Variants in PTPRN2 observed in about 807,000 individuals in gnomAD.
PTPRN2 encodes the protein receptor-type tyrosine-protein phosphatase N2.
PTPRN2 carries 74 observed loss-of-function variants against 118.8 expected under a neutral mutation model. The ratio of observed to expected loss-of-function variants is 0.62; its 90% confidence interval spans 0.52 to 0.76. The LOEUF (loss-of-function observed/expected upper bound fraction) is 0.76. PTPRN2 is among the 30% of genes least tolerant of loss of function. The probability of loss-of-function intolerance (pLI) is 0.00; values close to 1 mark genes in which losing one functional copy is unlikely to be tolerated. For missense variants in PTPRN2, 1,481 were observed against 1,394.4 expected, an observed-to-expected ratio of 1.06 and a Z score of -0.99; for synonymous variants, 641 against 608.0, an observed-to-expected ratio of 1.05 and a Z score of -0.80.
At chr7:157,701,369 A>G (rs1384009829) in intron 12 of PTPRN2, among the ~76,000 whole-genome samples, 1 of 152,204 alleles carries the variant, frequency 6.6e-6, no homozygotes, top group Non-Finnish European at 1.5e-5. Context: ...TCCCCCCAGT[A>G]ATAATATTAA....
intron 3 of PTPRN2, among the ~76,000 whole-genome samples, chr7:158,302,139 AATG>A (rs1800938764): frequency 6.6e-6 from 1 of 152,200 alleles, no homozygotes; most frequent in Admixed American, 6.5e-5. Context: ...ACACCTGAGA[AATG>A]ATGACATTCA....
chr7:158,423,139 T>C (rs887942826), intron 2 of PTPRN2, among the ~76,000 whole-genome samples: 4 of 152,214 alleles, frequency 2.6e-5, no homozygotes, highest in East Asian at 1.9e-4. Flanking sequence ...CTTGTTAAGA[T>C]AGCAAAGAAA....
At chr7:158,330,035 C>A (rs1804054090) in intron 2 of PTPRN2, among the ~76,000 whole-genome samples, 3 of 149,750 alleles carry the variant, frequency 2.0e-5, no homozygotes, top group African/African-American at 4.9e-5. Context: ...TAAGAGGTGA[C>A]ATCTGCAGAC....
intron 12 of PTPRN2, among the ~76,000 whole-genome samples, chr7:157,841,835 C>A (rs1050992406): frequency 1.3e-5 from 2 of 152,314 alleles, no homozygotes; most frequent in Admixed American, 1.3e-4. Context: ...CAGGAGAACA[C>A]CCTGGATTCT....
chr7:158,467,858 C>T (rs1733145), intron 2 of PTPRN2, among the ~76,000 whole-genome samples: 104,856 of 151,982 alleles, frequency 0.69, 36,429 homozygotes, highest in Admixed American at 0.78. Flanking sequence ...TGGGAGCCCC[C>T]GGGGAAGGCC....
At chr7:157,982,439 T>G (rs34226802) in intron 11 of PTPRN2, among the ~76,000 whole-genome samples, 43,927 of 110,992 alleles carry the variant, frequency 0.4, 9,590 homozygotes, top group Non-Finnish European at 0.47. Context: ...AGGAGGGGAA[T>G]GCAGAGTGCA....
rs906976987 is a variant in PTPRN2, at chr7:157,560,359, C to T, written c.2902+8543G>A. ...TGGGCAGTGCTGCCCACACGGATGC[C>T]CAGAGCGTGTTCCCCAAGACCAGCG... On this transcript the variant is annotated intron_variant, in intron 21 of 22. Transcript: ENST00000389418. The surrounding 1 kb of genome is among the most constrained non-coding windows in gnomAD (Gnocchi z 6.7). Among the ~76,000 whole-genome samples the T allele has an allele frequency of 6.6e-6, 1 of 152,148 alleles. No homozygotes were observed. Among genetic ancestry groups the T allele is most frequent in the African/African-American group, 2.4e-5 (1 of 41,416 alleles).
intron 6 of PTPRN2, among the ~76,000 whole-genome samples, chr7:158,161,643 G>C (rs1436553527): frequency 6.6e-6 from 1 of 152,178 alleles, no homozygotes; most frequent in Admixed American, 6.5e-5. Context: ...AGGTAAGAGA[G>C]GAGAAACTCT....
At chr7:157,567,883 C>T (rs1284557226) in intron 21 of PTPRN2, among the ~76,000 whole-genome samples, 1 of 152,180 alleles carries the variant, frequency 6.6e-6, no homozygotes, top group African/African-American at 2.4e-5. Flanking sequence ...GGAAGCTGGA[C>T]ACATCTCTCT....
chr7:158,413,428 A>G (rs1364330616), intron 2 of PTPRN2, among the ~76,000 whole-genome samples: 2 of 152,256 alleles, frequency 1.3e-5, no homozygotes, highest in Non-Finnish European at 2.9e-5. Context: ...AGGAAATAAA[A>G]TGCAGTGGGC....
At chr7:158,581,271 C>T (rs1440149526) in intron 1 of PTPRN2, among the ~76,000 whole-genome samples, 2 of 152,174 alleles carry the variant, frequency 1.3e-5, no homozygotes, top group African/African-American at 4.8e-5. Context: ...AAGACTCAGT[C>T]TTTCTATCTG....
intron 11 of PTPRN2, among the ~76,000 whole-genome samples, chr7:158,036,411 C>T (rs1055394457): frequency 3.9e-5 from 6 of 152,198 alleles, no homozygotes; most frequent in Non-Finnish European, 8.8e-5. Flanking sequence ...ACATCTGTTT[C>T]CTCCTATGCG....
chr7:157,873,779 G>A (rs1347804896), intron 12 of PTPRN2, among the ~76,000 whole-genome samples: 2 of 152,170 alleles, frequency 1.3e-5, no homozygotes, highest in African/African-American at 4.8e-5. Context: ...AGGTACTGAG[G>A]AGAGCGCAGC....
intron 12 of PTPRN2, chr7:157,864,446 G>C (rs1331956651): frequency 1.3e-5 from 2 of 152,350 alleles, no homozygotes; most frequent in African/African-American, 2.4e-5. Context: ...CCGGGCTCTA[G>C]TTTTCCAGGC....
intron 2 of PTPRN2, among the ~76,000 whole-genome samples, chr7:158,336,995 T>C (rs1363295950): frequency 2.7e-5 from 2 of 73,694 alleles, no homozygotes; most frequent in Non-Finnish European, 6.4e-5. Context: ...CAGACGTCAC[T>C]CACACCCACA....
intron 2 of PTPRN2, among the ~76,000 whole-genome samples, chr7:158,333,940 T>C (rs1354535483): frequency 1.1e-3 from 77 of 72,318 alleles, no homozygotes; most frequent in Non-Finnish European, 1.3e-3. Flanking sequence ...CCATAAGAGC[T>C]GTCGCCCGCA....
At chr7:157,727,810 C>T (rs1265538897) in intron 12 of PTPRN2, among the ~76,000 whole-genome samples, 3 of 152,228 alleles carry the variant, frequency 2.0e-5, no homozygotes, top group East Asian at 3.9e-4. Context: ...ACCCCCGCGA[C>T]CAGCTCTGCT....
At chr7:157,633,910 G>A (rs1017694294) in intron 14 of PTPRN2, among the ~76,000 whole-genome samples, 1 of 152,212 alleles carries the variant, frequency 6.6e-6, no homozygotes, top group African/African-American at 2.4e-5. Context: ...GTTGATGGTG[G>A]CGCTTTTGGA....
chr7:158,155,649 TTGCCATCATCACCATCACCAG>T (rs1821722133), intron 6 of PTPRN2, among the ~76,000 whole-genome samples: 2 of 20,928 alleles, frequency 9.6e-5, no homozygotes, highest in South Asian at 1.4e-3. Flanking sequence ...ACCGTCATCA[TTGCCATCATCACCATCACCAG>T]TGCCATCATC....
Sources: allele counts gnomAD v4.1 joint callset (sites outside exome capture counted in the v4.1 genomes callset), GRCh38; gene constraint gnomAD v4.1.1; non-coding constraint Gnocchi (gnomAD v3.1); transcripts MANE v1.5; gene names NCBI Gene and HGNC (gene_info 2026-07-23, HGNC 2026-07-21).